The following UNC13C variants were observed in gnomAD, a reference collection of about 807,000 sequenced individuals.
UNC13C encodes the protein unc-13 homolog C.
In UNC13C, 174 loss-of-function variants were observed where a neutral mutation model predicts 245.4. The ratio of observed to expected loss-of-function variants is 0.71; its 90% CI spans 0.63 to 0.80. UNC13C has a LOEUF of 0.80. UNC13C is among the 30% of genes least tolerant of loss of function. UNC13C has a pLI of 0.00. For synonymous variants in UNC13C, 992 were observed against 895.1 expected (o/e 1.11, Z -1.93); for missense variants, 2,829 against 2,602.9 (o/e 1.09, Z -1.89).
chr15:53,860,883 T>A, the UNC13C span, among the ~76,000 whole-genome samples: 1 of 152,198 alleles, frequency 6.6e-6, no homozygotes, highest in African/African-American at 2.4e-5. Flanking sequence ...GAGATTCACA[T>A]AAATGTTGTG....
At chr15:54,592,968 A>G (rs1486101507) in intron 30 of UNC13C, among the ~76,000 whole-genome samples, 2 of 151,486 alleles carry the variant, frequency 1.3e-5, no homozygotes, top group Admixed American at 1.3e-4. Flanking sequence ...TTCAAGAGTT[A>G]GAGCTCCTTT....
At chr15:54,333,918 AAGT>A (rs1567194991) in intron 16 of UNC13C, 62 bp downstream of exon 16, 1 of 1,285,584 alleles carries the variant, frequency 7.8e-7, no homozygotes, top group African/African-American at 1.5e-5. Flanking sequence ...TCCCCTGGTA[AAGT>A]CTTGCTTTAC....
intron 24 of UNC13C, among the ~76,000 whole-genome samples, chr15:54,524,487 A>T (rs914058806): frequency 1.3e-5 from 2 of 152,292 alleles, no homozygotes; most frequent in South Asian, 2.1e-4. Flanking sequence ...GCAATATTTG[A>T]TTTTCATTCC....
the UNC13C span, among the ~76,000 whole-genome samples, chr15:53,918,790 C>T: frequency 6.6e-6 from 1 of 152,150 alleles, no homozygotes; most frequent in Non-Finnish European, 1.5e-5. Flanking sequence ...CAGAGAGCCT[C>T]TCTCCCCCAC....
intron 14 of UNC13C, among the ~76,000 whole-genome samples, chr15:54,323,613 C>T (rs184662235): frequency 6.6e-6 from 1 of 152,114 alleles, no homozygotes; most frequent in East Asian, 1.9e-4. Context: ...GTATAACCTA[C>T]AGTATCAGCT....
At chr15:54,310,752 CTATATCTA>C (rs138408786) in intron 13 of UNC13C, among the ~76,000 whole-genome samples, 14,575 of 142,942 alleles carry the variant, frequency 0.1, 816 homozygotes, top group Middle Eastern at 0.16. Flanking sequence ...ATATCTATAT[CTATATCTA>C]TATCTATATC....
At position 54,016,903 on chromosome 15, in the gene UNC13C, T is replaced by A. The variant is rs377055434; in HGVS notation, c.2983+1017T>A. Among the ~76,000 whole-genome samples, 14 of 152,356 alleles carry A rather than the reference T, an allele frequency of 9.2e-5. No individual in the cohort carries two copies. The East Asian group carries it at 2.7e-3, about 29-fold the overall frequency. On this transcript the variant is annotated intron_variant, in intron 2 of 32. Coordinates refer to ENST00000260323, the MANE Select transcript of UNC13C (RefSeq NM_001080534.3). ...ACATAATACTTCATAAAGGTGTATA[T>A]GACCAAGTGTTACTTGCTATTATCA...
chr15:54,443,428 C>T (rs1016133403), intron 19 of UNC13C, among the ~76,000 whole-genome samples: 1 of 150,824 alleles, frequency 6.6e-6, no homozygotes, highest in African/African-American at 2.5e-5. Context: ...TTTATTATTT[C>T]TTTCTTTCAA....
At chr15:54,392,911 T>C in intron 17 of UNC13C, 137 bp from the exon 18 acceptor site, 4 of 1,006,296 alleles carry the variant, frequency 4.0e-6, no homozygotes, top group Non-Finnish European at 5.5e-6. Context: ...GAAACCTGAG[T>C]TTAACAGCTT....
In UNC13C at chr15:54,013,931, T is replaced by C. The variant is rs758142234; in HGVS notation, c.1028T>C (p.Ile343Thr). The C allele has an allele frequency of 6.2e-7, 1 of 1,613,082 alleles. No homozygotes were observed. Among genetic ancestry groups the C allele is most frequent in the Admixed American group, 1.7e-5 (1 of 59,732 alleles). ...YVESVVYQIL[I>T]DKMGFSDAPN... ...GAAAGCGTGGTGTACCAAATTCTAATAGATAAAATGGGTTTTTCAGATGCA... is the reference window on the plus strand; with the variant it reads ...GAAAGCGTGGTGTACCAAATTCTAACAGATAAAATGGGTTTTTCAGATGCA... The change falls in exon 2 of 33, where the codon ATA becomes ACA. Residue 343 changes from isoleucine (I) to threonine (T), a missense_variant. Physicochemically the swap from Ile to Thr is moderately conservative, Grantham distance 89. Coordinates refer to ENST00000260323, the MANE Select transcript of UNC13C (RefSeq NM_001080534.3).
intron 7 of UNC13C, among the ~76,000 whole-genome samples, chr15:54,238,663 C>A (rs2035771260): frequency 6.6e-6 from 1 of 152,024 alleles, no homozygotes; most frequent in Non-Finnish European, 1.5e-5. Flanking sequence ...TTGCATACAC[C>A]TTTTCTTTTA....
chr15:54,091,764 CT>C (rs11397201), intron 2 of UNC13C, among the ~76,000 whole-genome samples: 20 of 151,574 alleles, frequency 1.3e-4, no homozygotes, highest in African/African-American at 4.6e-4. Context: ...TCAATTGATA[CT>C]TTTTTTTAAG....
At chr15:53,846,388 G>T in the UNC13C span, among the ~76,000 whole-genome samples, 22 of 152,132 alleles carry the variant, frequency 1.4e-4, no homozygotes, top group Non-Finnish European at 2.6e-4. Flanking sequence ...AAATTTGTCT[G>T]CATGCACTTT....
At chr15:54,574,273 A>G (rs1219576465) in intron 30 of UNC13C, among the ~76,000 whole-genome samples, 1 of 152,164 alleles carries the variant, frequency 6.6e-6, no homozygotes, top group Non-Finnish European at 1.5e-5. Flanking sequence ...AATTTGACTC[A>G]GTGGTTTAAA....
chr15:53,971,749 C>G, the UNC13C span, among the ~76,000 whole-genome samples: 1 of 152,082 alleles, frequency 6.6e-6, no homozygotes, highest in African/African-American at 2.4e-5. Flanking sequence ...TTAATTCTTA[C>G]TATGATCCTA....
At chr15:54,554,595 T>C (rs1897018052) in intron 28 of UNC13C, among the ~76,000 whole-genome samples, 1 of 152,094 alleles carries the variant, frequency 6.6e-6, no homozygotes, top group South Asian at 2.1e-4. Flanking sequence ...ACGTTTTCCC[T>C]GTATTAAACA....
chr15:54,586,222 G>A (rs1309833917), intron 30 of UNC13C, among the ~76,000 whole-genome samples: 1 of 152,162 alleles, frequency 6.6e-6, no homozygotes, highest in Non-Finnish European at 1.5e-5. Flanking sequence ...AGAAAAGGAT[G>A]TTTCTTTCCT....
chr15:54,061,586 A>C (rs993797761), intron 2 of UNC13C, among the ~76,000 whole-genome samples: 1 of 152,176 alleles, frequency 6.6e-6, no homozygotes, highest in African/African-American at 2.4e-5. Context: ...CCTTGTCAGC[A>C]TAATGGTACA....
rs574889432 is a variant in UNC13C at position 54,462,975 on chromosome 15, A to G, written c.4934-31633A>G. The stretch of plus-strand genomic sequence containing the variant: ...TAGCTAGAGAATTGTAAATGCACCA[A>G]TCAGCACTCTGTGTCTAGCTTGGGG... On this transcript the variant is annotated intron_variant, in intron 19 of 32. Coordinates refer to ENST00000260323, the MANE Select transcript of UNC13C (RefSeq NM_001080534.3). Among the ~76,000 whole-genome samples the G allele has an allele frequency of 1.4e-3, 215 of 152,016 alleles. 1 individual carries two copies. The highest frequency in any genetic ancestry group is 3.4e-3 in the Middle Eastern group (1 of 294).
Sources: gnomAD v4.1 joint callset for allele counts (sites outside exome capture counted in the v4.1 genomes callset) on GRCh38, gnomAD v4.1.1 for gene constraint, MANE v1.5 for transcripts, NCBI Gene and HGNC (gene_info 2026-07-23, HGNC 2026-07-21) for gene names.